Variants in CD200 observed in about 807,000 individuals in gnomAD.
CD200 encodes the protein OX-2 membrane glycoprotein.
A neutral mutation model predicts 30.9 loss-of-function variants in CD200; 15 were observed. The observed-to-expected ratio is 0.49, with a 90% CI of 0.32 to 0.75. CD200 has a LOEUF of 0.75. Among genes scored for constraint, CD200 ranks in the 30% least tolerant of loss-of-function variants. CD200 has a pLI of 0.03. For synonymous variants in CD200, 134 were observed against 126.2 expected, an observed-to-expected ratio of 1.06 and a Z score of -0.41; for missense variants, 262 against 324.2, an observed-to-expected ratio of 0.81 and a Z score of 1.47.
chr3:112,356,046 C>T lies in CD200; in HGVS notation c.803-5497C>T, dbSNP rs558654152. On this transcript the variant is annotated intron_variant, in intron 5 of 5. Coordinates refer to ENST00000315711, the MANE Select transcript of CD200 (RefSeq NM_005944.7). ...AAATCACAACTTCAATGTTAAGTTC[C>T]GCATTTCATGAGGCACAATTATGGA... Among the ~76,000 whole-genome samples the T allele has an allele frequency of 5.3e-5, 8 of 152,178 alleles. No homozygotes were observed. In the East Asian group the frequency reaches 9.6e-4, roughly 18 times the overall value.
chr3:112,348,866 A>G (rs180951112), intron 4 of CD200, among the ~76,000 whole-genome samples: 4 of 149,232 alleles, frequency 2.7e-5, no homozygotes, highest in Admixed American at 1.3e-4. Context: ...CAAGAACCTA[A>G]AAAAGAATGT....
intron 5 of CD200, among the ~76,000 whole-genome samples, chr3:112,355,993 C>A (rs2081617232): frequency 2.0e-5 from 3 of 152,116 alleles, no homozygotes; most frequent in Non-Finnish European, 2.9e-5. Flanking sequence ...AGATTTTGTA[C>A]TACAAACATG....
In CD200 at chr3:112,333,324, C is replaced by A. The variant is rs569729473; in HGVS notation, c.12+100C>A. The A allele has an allele frequency of 2.0e-6, 3 of 1,491,520 alleles. No individual in the cohort carries two copies. The East Asian group carries it at 7.6e-5, about 38-fold the overall frequency. 92.4% of individuals were successfully genotyped at this position (1,491,520 alleles called of 1,614,324 possible). A position where few individuals can be genotyped will look rare whatever the true frequency, so the allele number is the denominator to read the frequency against. On this transcript the variant is annotated intron_variant, in intron 1 of 5. Coordinates refer to ENST00000315711, the MANE Select transcript of CD200 (RefSeq NM_005944.7). ...GAGTGGAAGGCGCGGAGCTTCGGCT[C>A]TTGCCACAATCTGGTCCGGGGACTA... is the stretch of plus-strand genomic sequence containing the variant.
upstream of CD200, chr3:112,332,922 AT>A (rs1356092418): frequency 7.8e-6 from 4 of 511,918 alleles, no homozygotes; most frequent in East Asian, 3.7e-5. Context: ...AAAAAAAAAA[AT>A]GATTTTTTTT....
intron 5 of CD200, among the ~76,000 whole-genome samples, chr3:112,358,666 C>T (rs868375045): frequency 6.6e-5 from 10 of 152,102 alleles, no homozygotes; most frequent in African/African-American, 1.9e-4. Context: ...TCAGGAAGAG[C>T]GGCTACCTGA....
At chr3:112,358,322 A>G (rs2108474543) in intron 5 of CD200, among the ~76,000 whole-genome samples, 1 of 152,252 alleles carries the variant, frequency 6.6e-6, no homozygotes, top group African/African-American at 2.4e-5. Flanking sequence ...TTGTTGGAGG[A>G]CCTGCTATAT....
Position 112,333,165 on chromosome 3 carries a change from G to T in CD200, c.-48G>T. On this transcript the variant is annotated 5_prime_UTR_variant, in exon 1 of 6. It adds an upstream start codon to the 5' untranslated region. Transcript: ENST00000315711. The stretch of plus-strand genomic sequence containing the variant: ...CTCCCGCCTGCCTAGCAGAGCTCCA[G>T]GCGCACATCCGCAGTCAGCCACCTC... The T allele has an allele frequency of 6.5e-7, 1 of 1,548,308 alleles. No individual in the cohort carries two copies. Among genetic ancestry groups the T allele is most frequent in the Non-Finnish European group, 8.7e-7 (1 of 1,146,648 alleles).
chr3:112,342,077 G>A (rs1306417314), intron 2 of CD200, among the ~76,000 whole-genome samples: 1 of 151,716 alleles, frequency 6.6e-6, no homozygotes, highest in Non-Finnish European at 1.5e-5. Flanking sequence ...CAGATTATCA[G>A]TCTTTAAAAA....
At chr3:112,333,374 TTTTCTCTAAGCGC>T in intron 1 of CD200, 150 bp downstream of exon 1, 1 of 1,411,858 alleles carries the variant, frequency 7.1e-7, no homozygotes, top group Non-Finnish European at 9.2e-7. Context: ...ATGGCAGCGC[TTTTCTCTAAGCGC>T]TTTCTCTTGC....
chr3:112,348,737 C>A (rs1354953937), intron 4 of CD200, among the ~76,000 whole-genome samples: 2 of 152,124 alleles, frequency 1.3e-5, no homozygotes, highest in Non-Finnish European at 2.9e-5. Flanking sequence ...AAAACCCAGA[C>A]TAATCAGAAA....
intron 5 of CD200, among the ~76,000 whole-genome samples, chr3:112,350,125 T>C (rs1253148305): frequency 6.6e-6 from 1 of 152,192 alleles, no homozygotes; most frequent in Non-Finnish European, 1.5e-5. Flanking sequence ...CACTCATTAA[T>C]GAGAAGGACA....
chr3:112,334,872 T>C (rs890162825), intron 1 of CD200, among the ~76,000 whole-genome samples: 3 of 152,228 alleles, frequency 2.0e-5, no homozygotes, highest in African/African-American at 7.2e-5. Context: ...CCACAATATA[T>C]GGTTTGGTAT....
intron 1 of CD200, among the ~76,000 whole-genome samples, chr3:112,339,347 C>T (rs868739759): frequency 6.6e-6 from 1 of 152,066 alleles, no homozygotes; most frequent in Non-Finnish European, 1.5e-5. Flanking sequence ...GCTAAAAGAC[C>T]AAGGATATAA....
intron 5 of CD200, among the ~76,000 whole-genome samples, chr3:112,359,075 T>A (rs1050711087): frequency 6.6e-6 from 1 of 152,150 alleles, no homozygotes; most frequent in Non-Finnish European, 1.5e-5. Flanking sequence ...TTTAGAAGAA[T>A]CCTAAAAGGT....
At chr3:112,355,809 TA>T (rs2081613221) in intron 5 of CD200, among the ~76,000 whole-genome samples, 1 of 151,830 alleles carries the variant, frequency 6.6e-6, no homozygotes, top group East Asian at 1.9e-4. Flanking sequence ...AAGACAGAGC[TA>T]AAAATATATA....
chr3:112,360,185 G>C, intron 5 of CD200, among the ~76,000 whole-genome samples: 1 of 152,048 alleles, frequency 6.6e-6, no homozygotes, highest in South Asian at 2.1e-4. Flanking sequence ...AAAATTAGCC[G>C]GGCATAGTGG....
In CD200 at chr3:112,361,652, A is replaced by G. The variant is rs2081744416; in HGVS notation, c.*102A>G. The G allele has an allele frequency of 3.7e-6, 4 of 1,074,236 alleles. No individual in the cohort carries two copies. The highest frequency in any genetic ancestry group is 4.3e-6 in the Non-Finnish European group (3 of 689,694). 66.5% of individuals were successfully genotyped at this position (1,074,236 alleles called of 1,614,324 possible). ...GGCCATTCTCCAAAGGACCTGAAAGAGCAAAAGAGGTGGGAGCGAAAGCCT... is the reference window on the plus strand; with the variant it reads ...GGCCATTCTCCAAAGGACCTGAAAGGGCAAAAGAGGTGGGAGCGAAAGCCT... On this transcript the variant is annotated 3_prime_UTR_variant, in exon 6 of 6. Coordinates refer to ENST00000315711, the MANE Select transcript of CD200 (RefSeq NM_005944.7).
chr3:112,347,764 A>G lies in CD200; in HGVS notation c.628A>G (p.Lys210Glu). 6.2e-7 allele frequency: 1 copy of G among 1,613,882 alleles called. No individual in the cohort carries two copies. Among genetic ancestry groups the G allele is most frequent in the Non-Finnish European group, 8.5e-7 (1 of 1,179,912 alleles). ...HIKDPKNQVG[K>E]EVICQVLHLG... The stretch of plus-strand genomic sequence containing the variant: ...CAAAGACCCTAAGAATCAGGTGGGG[A>G]AGGAGGTGATCTGCCAGGTGCTGCA... The change falls in exon 4 of 6, where the codon AAG (lysine) becomes GAG (glutamate). Residue 210 changes from lysine (K) to glutamate (E), a missense_variant. Physicochemically the swap from Lys to Glu is moderately conservative, Grantham distance 56. Transcript: ENST00000315711.
At chr3:112,353,401 C>T (rs2081571415) in intron 5 of CD200, among the ~76,000 whole-genome samples, 1 of 151,752 alleles carries the variant, frequency 6.6e-6, no homozygotes, top group Admixed American at 6.6e-5. Flanking sequence ...CCAAACTTCA[C>T]TTTTTTTTCA....
Sources: allele counts gnomAD v4.1 joint callset (sites outside exome capture counted in the v4.1 genomes callset), GRCh38; gene constraint gnomAD v4.1.1; transcripts MANE v1.5; gene names NCBI Gene and HGNC (gene_info 2026-07-23, HGNC 2026-07-21).